The following PDIA5 variants were observed in gnomAD, a reference collection of about 807,000 sequenced individuals.
PDIA5 encodes the protein protein disulfide-isomerase A5.
In PDIA5, 58 loss-of-function variants were observed where a neutral mutation model predicts 77.6. That is an observed-to-expected ratio of 0.75 (90% CI 0.61 to 0.93). The LOEUF is 0.93. Among genes scored for constraint, PDIA5 ranks in the 40% least tolerant of loss-of-function variants. The probability of loss-of-function intolerance (pLI) is 0.00; values close to 1 mark genes in which losing one functional copy is unlikely to be tolerated. For synonymous variants in PDIA5, 250 were observed against 252.1 expected, an observed-to-expected ratio of 0.99 and a Z score of 0.08; for missense variants, 630 against 647.7, an observed-to-expected ratio of 0.97 and a Z score of 0.30.
At chr3:123,095,765 A>AG (rs1318214966) in intron 3 of PDIA5, among the ~76,000 whole-genome samples, 1 of 151,908 alleles carries the variant, frequency 6.6e-6, no homozygotes, top group East Asian at 1.9e-4. Flanking sequence ...AAAAAAAAAA[A>AG]AAAGTACAGG....
chr3:123,151,787 GCCTTCCT>G (rs1560561699), intron 14 of PDIA5, among the ~76,000 whole-genome samples: 5 of 86,682 alleles, frequency 5.8e-5, no homozygotes, highest in Non-Finnish European at 8.8e-5. Flanking sequence ...TGCCTGGCCT[GCCTTCCT>G]GCCTGCCTGC....
At chr3:123,122,578 C>G (rs1935145494) in intron 8 of PDIA5, among the ~76,000 whole-genome samples, 1 of 152,174 alleles carries the variant, frequency 6.6e-6, no homozygotes, top group Admixed American at 6.5e-5. Flanking sequence ...CACAGTGGCT[C>G]CCATCACCAG....
At chr3:123,157,883 G>A (rs541100471) in intron 15 of PDIA5, among the ~76,000 whole-genome samples, 29 of 152,346 alleles carry the variant, frequency 1.9e-4, no homozygotes, top group African/African-American at 6.3e-4. Context: ...GCAGGTGGGG[G>A]GCTCACCTTT....
chr3:123,117,371 ATT>A (rs1935019188), intron 8 of PDIA5, among the ~76,000 whole-genome samples: 4 of 14,590 alleles, frequency 2.7e-4, no homozygotes, highest in African/African-American at 5.9e-4. Flanking sequence ...TGTTTCTATG[ATT>A]TTATATATAT....
chr3:123,114,139 T>G (rs533838896), intron 7 of PDIA5, among the ~76,000 whole-genome samples: 1 of 152,346 alleles, frequency 6.6e-6, no homozygotes, highest in East Asian at 1.9e-4. Flanking sequence ...GTGTTATTGC[T>G]GCAGGCTGCA....
At chr3:123,096,361 AT>A (rs113587290) in intron 3 of PDIA5, among the ~76,000 whole-genome samples, 4 of 151,410 alleles carry the variant, frequency 2.6e-5, no homozygotes, top group African/African-American at 9.7e-5. Context: ...TAAGTTTTGT[AT>A]TTTTTTTATA....
At chr3:123,109,283 A>T (rs1323396176) in intron 6 of PDIA5, among the ~76,000 whole-genome samples, 1 of 152,236 alleles carries the variant, frequency 6.6e-6, no homozygotes, top group Non-Finnish European at 1.5e-5. Context: ...TTGGAATTTC[A>T]TACTTTGTGA....
chr3:123,088,748 A>G (rs1229700642), intron 1 of PDIA5, among the ~76,000 whole-genome samples: 1 of 152,206 alleles, frequency 6.6e-6, no homozygotes, highest in East Asian at 1.9e-4. Flanking sequence ...TATACTTTAA[A>G]TCATCTCTAG....
chr3:123,113,050 G>C (rs1304218442), intron 7 of PDIA5, among the ~76,000 whole-genome samples: 2 of 152,062 alleles, frequency 1.3e-5, no homozygotes, highest in African/African-American at 4.8e-5. Context: ...TCATTAGTTG[G>C]TTTCACCCCT....
chr3:123,138,034 C>T (rs1310377447), intron 11 of PDIA5, among the ~76,000 whole-genome samples: 3 of 152,218 alleles, frequency 2.0e-5, no homozygotes, highest in Non-Finnish European at 4.4e-5. Context: ...CAATTTCAAA[C>T]TCCTGGGTTC....
At chr3:123,112,145 A>G (rs1214835897) in intron 7 of PDIA5, among the ~76,000 whole-genome samples, 1 of 152,208 alleles carries the variant, frequency 6.6e-6, no homozygotes, top group Non-Finnish European at 1.5e-5. Flanking sequence ...GATTGAAAAT[A>G]ACCCTGGATT....
intron 1 of PDIA5, among the ~76,000 whole-genome samples, chr3:123,079,150 G>T (rs1242468167): frequency 4.0e-5 from 6 of 148,972 alleles, no homozygotes; most frequent in African/African-American, 1.5e-4. Context: ...TTATAGTTGT[G>T]GTTATACCAC....
chr3:123,085,803 G>A (rs367962276), intron 1 of PDIA5, among the ~76,000 whole-genome samples: 3 of 152,206 alleles, frequency 2.0e-5, no homozygotes, highest in Non-Finnish European at 4.4e-5. Context: ...GTTGCTCTCC[G>A]CTGGTCAGAT....
At chr3:123,152,874 G>C (rs1231250359) in intron 14 of PDIA5, among the ~76,000 whole-genome samples, 2 of 152,020 alleles carry the variant, frequency 1.3e-5, no homozygotes, top group African/African-American at 2.4e-5. Flanking sequence ...GGAGTCTCTA[G>C]AACTGCAATT....
At chr3:123,132,030 A>G (rs985313084) in intron 11 of PDIA5, among the ~76,000 whole-genome samples, 1 of 152,232 alleles carries the variant, frequency 6.6e-6, no homozygotes, top group Non-Finnish European at 1.5e-5. Flanking sequence ...TAGGGTCCTC[A>G]TGCCAACAGT....
chr3:123,089,645 G>A (rs1167040499), intron 2 of PDIA5, among the ~76,000 whole-genome samples: 3 of 152,258 alleles, frequency 2.0e-5, no homozygotes, highest in Non-Finnish European at 4.4e-5. Context: ...GCATGGGGCC[G>A]AGCCCTGCCA....
intron 13 of PDIA5, among the ~76,000 whole-genome samples, chr3:123,148,693 A>G (rs531142322): frequency 2.4e-4 from 37 of 152,260 alleles, no homozygotes; most frequent in African/African-American, 8.7e-4. Context: ...CTCTTGCTCC[A>G]TTTCATCCTC....
chr3:123,156,516 C>T (rs1223754895), intron 15 of PDIA5, among the ~76,000 whole-genome samples: 3 of 152,198 alleles, frequency 2.0e-5, no homozygotes, highest in Non-Finnish European at 4.4e-5. Context: ...GCTTGGTGGT[C>T]CCACGATATC....
chr3:123,070,360 TG>T (rs1933690937), intron 1 of PDIA5, among the ~76,000 whole-genome samples: 1 of 152,204 alleles, frequency 6.6e-6, no homozygotes, highest in Non-Finnish European at 1.5e-5. Flanking sequence ...GGTGGAGTTG[TG>T]ATGACTTCTG....
Sources: allele counts gnomAD v4.1 joint callset (sites outside exome capture counted in the v4.1 genomes callset), GRCh38; gene constraint gnomAD v4.1.1; transcripts MANE v1.5; gene names NCBI Gene and HGNC (gene_info 2026-07-23, HGNC 2026-07-21).